The following NEGR1 variants were observed in gnomAD, a reference collection of about 807,000 sequenced individuals.
NEGR1 encodes IgLON family member 4.
In NEGR1, 10 loss-of-function variants were observed where a neutral mutation model predicts 40.9. The observed-to-expected ratio is 0.24, with a 90% CI of 0.15 to 0.42. The LOEUF is 0.42. NEGR1 is among the 10% of genes least tolerant of loss of function. The pLI is 1.00. For synonymous variants in NEGR1, 185 were observed against 166.8 expected (o/e 1.11, Z -0.84); for missense variants, 352 against 438.9 (o/e 0.80, Z 1.77).
chr1:71,978,467 A>G (rs1020444572), intron 1 of NEGR1, among the ~76,000 whole-genome samples: 1 of 152,162 alleles, frequency 6.6e-6, no homozygotes, highest in Non-Finnish European at 1.5e-5. Context: ...GAAAATAAAT[A>G]CAAATTATGG....
intron 2 of NEGR1, among the ~76,000 whole-genome samples, chr1:71,914,898 A>G (rs12061518): frequency 0.023 from 3,470 of 152,162 alleles, 71 homozygotes; most frequent in Middle Eastern, 0.068. Context: ...ATCACTGCCT[A>G]TTATTACCTA....
At chr1:71,656,982 A>G (rs1651899721) in intron 4 of NEGR1, among the ~76,000 whole-genome samples, 1 of 152,228 alleles carries the variant, frequency 6.6e-6, no homozygotes, top group Non-Finnish European at 1.5e-5. Flanking sequence ...GATATCTAAT[A>G]ATACTGTTTG....
intron 1 of NEGR1, among the ~76,000 whole-genome samples, chr1:72,046,510 C>T (rs144186893): frequency 4.9e-4 from 75 of 151,560 alleles, no homozygotes; most frequent in Non-Finnish European, 1.0e-3. Context: ...TGATTATAGC[C>T]AGATAAATGA....
chr1:72,249,716 G>A (rs2100528168), intron 1 of NEGR1, among the ~76,000 whole-genome samples: 1 of 152,252 alleles, frequency 6.6e-6, no homozygotes, highest in South Asian at 2.1e-4. Flanking sequence ...AATTTAAACT[G>A]GATTGAGTTT....
chr1:71,915,607 T>C (rs1231180519), intron 2 of NEGR1, among the ~76,000 whole-genome samples: 1 of 152,076 alleles, frequency 6.6e-6, no homozygotes, highest in East Asian at 1.9e-4. Flanking sequence ...CCACAAAACT[T>C]CCCATAGACT....
intron 1 of NEGR1, among the ~76,000 whole-genome samples, chr1:72,251,368 A>T (rs1292680955): frequency 6.6e-6 from 1 of 152,224 alleles, no homozygotes; most frequent in Non-Finnish European, 1.5e-5. Context: ...TTAAATTAGT[A>T]TAAACATTAA....
chr1:71,764,242 A>G (rs376777003), intron 3 of NEGR1, among the ~76,000 whole-genome samples: 1 of 152,220 alleles, frequency 6.6e-6, no homozygotes, highest in Non-Finnish European at 1.5e-5. Context: ...AAGAAACAAC[A>G]TATGTAAAGG....
intron 2 of NEGR1, among the ~76,000 whole-genome samples, chr1:71,788,887 T>C (rs576737730): frequency 6.6e-6 from 1 of 152,208 alleles, no homozygotes; most frequent in Admixed American, 6.6e-5. Context: ...TAACATGTAA[T>C]AAAAGAGTTG....
intron 4 of NEGR1, among the ~76,000 whole-genome samples, chr1:71,688,364 T>TG (rs1653121267): frequency 2.7e-5 from 1 of 37,296 alleles, no homozygotes; most frequent in South Asian, 8.7e-4. Flanking sequence ...ATTATATATA[T>TG]ATGAGATATA....
intron 6 of NEGR1, among the ~76,000 whole-genome samples, chr1:71,477,625 A>G (rs1425470964): frequency 6.6e-6 from 1 of 152,074 alleles, no homozygotes; most frequent in Non-Finnish European, 1.5e-5. Context: ...ATAAGTGTCC[A>G]GTTGCTTTAG....
At chr1:71,795,836 T>C (rs977458549) in intron 2 of NEGR1, among the ~76,000 whole-genome samples, 1 of 152,136 alleles carries the variant, frequency 6.6e-6, no homozygotes, top group Non-Finnish European at 1.5e-5. Flanking sequence ...AAATTATTAT[T>C]TAGAAACTAA....
chr1:72,276,090 C>G (rs1382174027), intron 1 of NEGR1, among the ~76,000 whole-genome samples: 1 of 151,922 alleles, frequency 6.6e-6, no homozygotes, highest in South Asian at 2.1e-4. Flanking sequence ...GAGTGAGACT[C>G]CATCTCAGAA....
At chr1:71,971,100 A>T (rs1418581289) in intron 1 of NEGR1, among the ~76,000 whole-genome samples, 3 of 152,190 alleles carry the variant, frequency 2.0e-5, no homozygotes, top group South Asian at 4.1e-4. Flanking sequence ...TACACAGAGA[A>T]GGACACATGA....
chr1:71,993,082 T>C (rs1646469547), intron 1 of NEGR1, among the ~76,000 whole-genome samples: 1 of 152,212 alleles, frequency 6.6e-6, no homozygotes, highest in African/African-American at 2.4e-5. Context: ...TAGTACATAG[T>C]ATATTCTATG....
At chr1:71,844,786 G>C (rs1394532004) in intron 2 of NEGR1, among the ~76,000 whole-genome samples, 1 of 152,150 alleles carries the variant, frequency 6.6e-6, no homozygotes, top group Non-Finnish European at 1.5e-5. Flanking sequence ...TTAAAGGAAT[G>C]AGAGAAGTCA....
intron 6 of NEGR1, among the ~76,000 whole-genome samples, chr1:71,494,688 A>G (rs1010594416): frequency 6.6e-6 from 1 of 152,144 alleles, no homozygotes; most frequent in Non-Finnish European, 1.5e-5. Context: ...GTCTGAAGTG[A>G]GGACCGTCTT....
intron 1 of NEGR1, among the ~76,000 whole-genome samples, chr1:72,076,109 A>G (rs1003788865): frequency 2.6e-5 from 4 of 152,194 alleles, no homozygotes; most frequent in South Asian, 2.1e-4. Flanking sequence ...GAAAATAGAG[A>G]AGCATTTGTT....
intron 3 of NEGR1, among the ~76,000 whole-genome samples, chr1:71,716,117 A>C (rs1570250833): frequency 6.6e-6 from 1 of 152,184 alleles, no homozygotes; most frequent in African/African-American, 2.4e-5. Context: ...TTCACAGGGC[A>C]GCAGGAGAAA....
intron 1 of NEGR1, among the ~76,000 whole-genome samples, chr1:72,174,821 G>C (rs1020827727): frequency 1.3e-5 from 2 of 151,904 alleles, no homozygotes; most frequent in African/African-American, 4.8e-5. Flanking sequence ...CACAATCTAA[G>C]GGAGGCAACG....
Sources: gnomAD v4.1 joint callset for allele counts (sites outside exome capture counted in the v4.1 genomes callset) on GRCh38, gnomAD v4.1.1 for gene constraint, MANE v1.5 for transcripts, NCBI Gene and HGNC (gene_info 2026-07-23, HGNC 2026-07-21) for gene names.